Variants in SFMBT2 observed in about 807,000 individuals in gnomAD.
SFMBT2 encodes Scm like with four mbt domains 2.
SFMBT2 carries 38 observed loss-of-function variants against 110.1 expected under a neutral mutation model. The ratio of observed to expected loss-of-function variants is 0.35; its 90% CI spans 0.27 to 0.45. The LOEUF is 0.45. Ranked by LOEUF, SFMBT2 falls within the 20% of genes least tolerant of loss-of-function variation. SFMBT2 has a pLI of 1.00. For synonymous variants in SFMBT2, 425 were observed against 425.4 expected, an observed-to-expected ratio of 1.00 and a Z score of 0.01; for missense variants, 1,011 against 1,094.9, an observed-to-expected ratio of 0.92 and a Z score of 1.08.
At chr10:7,266,122 C>T (rs965814536) in intron 7 of SFMBT2, among the ~76,000 whole-genome samples, 4 of 151,508 alleles carry the variant, frequency 2.6e-5, no homozygotes, top group Non-Finnish European at 4.4e-5. Flanking sequence ...CAGAGTCTTG[C>T]TCTGTCACCC....
At chr10:7,186,423 TATACACACACAC>T (rs1159250409) in intron 16 of SFMBT2, among the ~76,000 whole-genome samples, 17 of 108,122 alleles carry the variant, frequency 1.6e-4, no homozygotes, top group African/African-American at 4.0e-4. Context: ...ACATACTATA[TATACACACACAC>T]ACACACACAC....
chr10:7,304,272 C>T lies in SFMBT2; in HGVS notation c.437-18318G>A, dbSNP rs145820925. 1.2e-3 allele frequency among the ~76,000 whole-genome samples: 184 copies of T among 152,264 alleles called. 2 individuals carry two copies. Among genetic ancestry groups the T allele is most frequent in the African/African-American group, 4.3e-3 (177 of 41,540 alleles). On this transcript the variant is annotated intron_variant, in intron 4 of 20. Coordinates refer to ENST00000397167, the MANE Select transcript of SFMBT2 (RefSeq NM_001387889.1). ...TAAGTCTCACCAGATCTGATGGTTT[C>T]ATAAAGGGGAGTTCCCCTGCACACA...
chr10:7,329,786 A>G (rs759186495), intron 4 of SFMBT2, among the ~76,000 whole-genome samples: 15 of 152,290 alleles, frequency 9.8e-5, no homozygotes, highest in Middle Eastern at 3.4e-3. Context: ...TGCCCAGGAC[A>G]AGGGTTCCAG....
intron 4 of SFMBT2, among the ~76,000 whole-genome samples, chr10:7,326,767 A>G (rs1362221751): frequency 6.6e-6 from 1 of 152,098 alleles, no homozygotes; most frequent in African/African-American, 2.4e-5. Context: ...TCACTGGAAA[A>G]CGAAAACCTC....
At chr10:7,183,350 G>C (rs1564371102) in intron 16 of SFMBT2, among the ~76,000 whole-genome samples, 1 of 152,190 alleles carries the variant, frequency 6.6e-6, no homozygotes, top group Non-Finnish European at 1.5e-5. Flanking sequence ...ATCAGGAGGG[G>C]CTGGGGCTGG....
At chr10:7,181,259 A>G (rs1243889171) in intron 16 of SFMBT2, among the ~76,000 whole-genome samples, 1 of 150,626 alleles carries the variant, frequency 6.6e-6, no homozygotes, top group Non-Finnish European at 1.5e-5. Context: ...AAAAAAAAGT[A>G]CAGGTACATC....
At chr10:7,295,857 G>T (rs2131868913) in intron 4 of SFMBT2, among the ~76,000 whole-genome samples, 1 of 152,216 alleles carries the variant, frequency 6.6e-6, no homozygotes, top group South Asian at 2.1e-4. Flanking sequence ...TTTCAGACAA[G>T]GGAAACACTC....
At chr10:7,201,485 T>C (rs1838956767) in intron 13 of SFMBT2, among the ~76,000 whole-genome samples, 1 of 151,978 alleles carries the variant, frequency 6.6e-6, no homozygotes, top group African/African-American at 2.4e-5. Context: ...TAACGTGGAG[T>C]CTGGTTATGA....
At chr10:7,391,013 T>A (rs1318261341) in intron 1 of SFMBT2, among the ~76,000 whole-genome samples, 8 of 151,864 alleles carry the variant, frequency 5.3e-5, no homozygotes, top group Non-Finnish European at 1.2e-4. Flanking sequence ...GGCAGGAGAA[T>A]CACTTGAACC....
chr10:7,333,065 C>G (rs949088405), intron 4 of SFMBT2, among the ~76,000 whole-genome samples: 1 of 152,080 alleles, frequency 6.6e-6, no homozygotes, highest in African/African-American at 2.4e-5. Context: ...TGGGGTTTCT[C>G]CATCTTGGCC....
rs947120604 is a variant in SFMBT2, at chr10:7,310,377, G to A, written c.437-24423C>T. On this transcript the variant is annotated intron_variant, in intron 4 of 20. Transcript: ENST00000397167. ...TCCAACTGCTGGGATCTCATGCCACGGTTAGTGCACCCCGTGCCCAAGGCA... is the reference window on the plus strand; with the variant it reads ...TCCAACTGCTGGGATCTCATGCCACAGTTAGTGCACCCCGTGCCCAAGGCA... 8.5e-5 allele frequency among the ~76,000 whole-genome samples: 13 copies of A among 152,300 alleles called. No individual in the cohort carries two copies. The South Asian group carries it at 1.0e-3, about 12-fold the overall frequency.
chr10:7,212,804 T>G (rs1269842174), intron 11 of SFMBT2, among the ~76,000 whole-genome samples: 1 of 152,152 alleles, frequency 6.6e-6, no homozygotes, highest in Non-Finnish European at 1.5e-5. Context: ...TAGTCTCTAC[T>G]CGATAGCAAA....
In SFMBT2 at chr10:7,258,105, G is replaced by C. The variant is rs562716319; in HGVS notation, c.871-9456C>G. On this transcript the variant is annotated intron_variant, in intron 7 of 20. Transcript: ENST00000397167. ...CACCACCATACCTGGCTAATTTTTT[G>C]TATTTTTTGTAGAGATGGGGTTTTG... Among the ~76,000 whole-genome samples, 5 of 152,162 alleles carry C rather than the reference G, an allele frequency of 3.3e-5. No individual in the cohort carries two copies. The East Asian group carries it at 5.8e-4, about 18-fold the overall frequency.
At chr10:7,308,447 T>G (rs1842757383) in intron 4 of SFMBT2, among the ~76,000 whole-genome samples, 1 of 152,054 alleles carries the variant, frequency 6.6e-6, no homozygotes, top group Non-Finnish European at 1.5e-5. Flanking sequence ...TTTAGACCTT[T>G]TCCTTAAAAA....
chr10:7,235,960 C>T (rs12783841), intron 9 of SFMBT2, among the ~76,000 whole-genome samples: 36,783 of 151,982 alleles, frequency 0.24, 4,814 homozygotes, highest in South Asian at 0.38. Context: ...ACAACATCAA[C>T]AGCTCCAGAT....
intron 7 of SFMBT2, among the ~76,000 whole-genome samples, chr10:7,253,042 C>A (rs996639840): frequency 6.6e-6 from 1 of 152,192 alleles, no homozygotes; most frequent in Non-Finnish European, 1.5e-5. Context: ...CCCATGAACA[C>A]CCTAAATGAC....
chr10:7,350,444 A>C (rs1336218079), intron 4 of SFMBT2, among the ~76,000 whole-genome samples: 2 of 152,164 alleles, frequency 1.3e-5, no homozygotes, highest in Admixed American at 6.5e-5. Context: ...CTTATTCTGC[A>C]CCCATGACGG....
chr10:7,268,245 T>G (rs183219201), intron 7 of SFMBT2, among the ~76,000 whole-genome samples: 1 of 152,314 alleles, frequency 6.6e-6, no homozygotes, highest in African/African-American at 2.4e-5. Flanking sequence ...TAGTATACAC[T>G]CAGTGAACTG....
intron 7 of SFMBT2, among the ~76,000 whole-genome samples, chr10:7,255,047 C>T (rs965333706): frequency 5.9e-5 from 9 of 152,186 alleles, no homozygotes; most frequent in African/African-American, 2.2e-4. Context: ...AAATGTCCAT[C>T]CATATTAGTA....
Sources: gnomAD v4.1 joint callset for allele counts (sites outside exome capture counted in the v4.1 genomes callset) on GRCh38, gnomAD v4.1.1 for gene constraint, MANE v1.5 for transcripts, NCBI Gene and HGNC (gene_info 2026-07-23, HGNC 2026-07-21) for gene names.